Variants in JAKMIP3 observed in about 807,000 individuals in gnomAD.
JAKMIP3 encodes Janus kinase and microtubule interacting protein 3.
A neutral mutation model predicts 118.5 loss-of-function variants in JAKMIP3; 58 were observed. The ratio of observed to expected loss-of-function variants is 0.49; its 90% confidence interval spans 0.40 to 0.61. The LOEUF is 0.61. Ranked by LOEUF, JAKMIP3 falls within the 20% of genes least tolerant of loss-of-function variation. The pLI, the probability that JAKMIP3 is intolerant of heterozygous loss-of-function variation, is 0.00. For synonymous variants in JAKMIP3, 486 were observed against 451.2 expected (o/e 1.08, Z -0.98); for missense variants, 950 against 1,109.0 (o/e 0.86, Z 2.04).
intron 3 of JAKMIP3, among the ~76,000 whole-genome samples, chr10:132,125,645 TTC>T (rs1338393509): frequency 6.6e-6 from 1 of 152,274 alleles, no homozygotes; most frequent in Non-Finnish European, 1.5e-5. Flanking sequence ...GATTTTTCTC[TTC>T]TCTCAGCCAT....
chr10:132,058,942 G>A (rs778339030), intron 1 of JAKMIP3, among the ~76,000 whole-genome samples: 4 of 152,210 alleles, frequency 2.6e-5, no homozygotes, highest in Admixed American at 1.3e-4. Context: ...TTCGCATCGC[G>A]TCGCGCCCAC....
At chr10:132,144,110 A>G (rs2054120989) in intron 11 of JAKMIP3, 1 of 144,444 alleles carries the variant, frequency 6.9e-6, no homozygotes, top group Non-Finnish European at 1.5e-5. Context: ...TCTCCCTTGG[A>G]AGCTATCCCC....
chr10:132,163,729 A>G (rs2058616592), intron 20 of JAKMIP3, among the ~76,000 whole-genome samples: 1 of 152,218 alleles, frequency 6.6e-6, no homozygotes, highest in South Asian at 2.1e-4. Flanking sequence ...GCAGGCACTC[A>G]GGCCAGACTG....
intron 23 of JAKMIP3, among the ~76,000 whole-genome samples, chr10:132,177,538 A>G (rs964643308): frequency 7.0e-5 from 8 of 115,028 alleles, no homozygotes; most frequent in East Asian, 3.0e-4. Flanking sequence ...GTGTGTGTGC[A>G]CACTGTGCAT....
intron 16 of JAKMIP3, among the ~76,000 whole-genome samples, 197 bp downstream of exon 16, chr10:132,150,238 T>C (rs2055826526): frequency 6.6e-6 from 1 of 151,950 alleles, no homozygotes; most frequent in Non-Finnish European, 1.5e-5. Context: ...GGGCCTCTGC[T>C]GTGCACACCT....
intron 12 of JAKMIP3, 94 bp from the exon 13 acceptor site, chr10:132,145,424 G>A (rs1013008720): frequency 4.8e-6 from 6 of 1,248,436 alleles, no homozygotes; most frequent in Non-Finnish European, 6.8e-6. Context: ...ACGCTGGCCA[G>A]ACTGGTCTTT....
At chr10:132,130,179 C>T (rs955359262) in intron 3 of JAKMIP3, among the ~76,000 whole-genome samples, 3 of 152,142 alleles carry the variant, frequency 2.0e-5, no homozygotes, top group Non-Finnish European at 4.4e-5. Context: ...TCCAACGCAC[C>T]CCCACCCAGG....
rs3068004 is a variant in JAKMIP3, at chr10:132,042,937, A to AAAAAT, written c.-138+6200_-138+6201insAAATA. On this transcript the variant is annotated intron_variant, in intron 1 of 23. Coordinates refer to the JAKMIP3 transcript ENST00000657785. ...AGACCCCATGTCTCAAAAAAAAAAAAACAAAAATTAGCGAGTTATGGTGGC... is the reference window on the plus strand; with the variant it reads ...AGACCCCATGTCTCAAAAAAAAAAAAAAAATACAAAAATTAGCGAGTTATGGTGGC... Among the ~76,000 whole-genome samples, 525 of 148,562 alleles carry AAAAAT rather than the reference A, an allele frequency of 3.5e-3. 2 individuals are homozygous for AAAAAT. Among genetic ancestry groups the AAAAAT allele is most frequent in the Non-Finnish European group, 4.8e-3 (321 of 67,280 alleles).
chr10:132,154,230 G>A (rs576096501), intron 19 of JAKMIP3, among the ~76,000 whole-genome samples: 1 of 152,382 alleles, frequency 6.6e-6, no homozygotes, highest in South Asian at 2.1e-4. Flanking sequence ...ACACTGTGCA[G>A]TGAGAATGTT....
In JAKMIP3 at chr10:132,117,642, CGGGCGTGGGCGAGGGTGCAGGCGT is replaced by C. The variant is rs2047917482; in HGVS notation, c.633+73_633+96del. 6 of 841,988 alleles carry C rather than the reference CGGGCGTGGGCGAGGGTGCAGGCGT, an allele frequency of 7.1e-6. No individual in the cohort carries two copies. In the South Asian group the frequency reaches 1.6e-4, roughly 23 times the overall value. 52.2% of individuals were successfully genotyped at this position (841,988 alleles called of 1,614,324 possible). On this transcript the variant is annotated intron_variant, in intron 3 of 23. Transcript: ENST00000684848. This position sits in a 1 kb window ranked among gnomAD's most constrained non-coding sequence, Gnocchi z 8.6. ...GCGGGCGTGGGCGAGGGTGCAGGGG[CGGGCGTGGGCGAGGGTGCAGGCGT>C]GGGCTCGGGGAGCACGCGGGCAGCA...
At chr10:132,097,973 TTCTC>T (rs1554928289) in intron 1 of JAKMIP3, among the ~76,000 whole-genome samples, 6 of 20,426 alleles carry the variant, frequency 2.9e-4, no homozygotes, top group Non-Finnish European at 6.1e-4. Flanking sequence ...TTCCTTCCTT[TTCTC>T]CCCTTCCCCT....
At chr10:132,141,806 C>G (rs1054038356) in intron 10 of JAKMIP3, 114 bp from the exon 11 acceptor site, 2 of 1,222,544 alleles carry the variant, frequency 1.6e-6, no homozygotes, top group African/African-American at 3.0e-5. Flanking sequence ...AGAGACCCCC[C>G]CATACACCAT....
chr10:132,166,726 C>A (rs997149966), intron 21 of JAKMIP3, among the ~76,000 whole-genome samples: 7 of 152,132 alleles, frequency 4.6e-5, no homozygotes, highest in African/African-American at 1.7e-4. Context: ...GGGTGTGGGG[C>A]CCCTGACCAG....
intron 14 of JAKMIP3, among the ~76,000 whole-genome samples, 198 bp from the exon 15 acceptor site, chr10:132,149,214 C>T (rs2055320579): frequency 6.6e-6 from 1 of 152,082 alleles, no homozygotes; most frequent in East Asian, 1.9e-4. Context: ...AGCGAATATA[C>T]AGGGGCAGTC....
chr10:132,068,918 C>T (rs1008194952), intron 1 of JAKMIP3, among the ~76,000 whole-genome samples: 3 of 152,080 alleles, frequency 2.0e-5, no homozygotes, highest in Non-Finnish European at 2.9e-5. Flanking sequence ...AAAGTGAAGC[C>T]GGAATTCAAA....
In JAKMIP3 at chr10:132,151,192, A is replaced by G. The variant is rs138912235; in HGVS notation, c.2007+1151A>G. ...TCAATCCATCCACCCTCCATAATTT[A>G]TCTATGCATCCTCCATCATTCATTC... is the stretch of plus-strand genomic sequence containing the variant. On this transcript the variant is annotated intron_variant, in intron 16 of 23. Coordinates refer to ENST00000684848, the MANE Select transcript of JAKMIP3 (RefSeq NM_001323087.2). Among the ~76,000 whole-genome samples the G allele has an allele frequency of 1.1e-3, 174 of 152,088 alleles. 1 individual carries two copies. The highest frequency in any genetic ancestry group is 4.0e-3 in the African/African-American group (165 of 41,456).
intron 1 of JAKMIP3, among the ~76,000 whole-genome samples, chr10:132,040,285 C>T (rs760804348): frequency 3.3e-5 from 5 of 152,180 alleles, no homozygotes; most frequent in East Asian, 1.9e-4. Context: ...CCAAACCGGC[C>T]GGCTCCTTGG....
At chr10:132,180,568 CGTGT>C (rs1211647270) in intron 23 of JAKMIP3, among the ~76,000 whole-genome samples, 286 of 22,310 alleles carry the variant, frequency 0.013, 62 homozygotes, top group African/African-American at 0.016. Context: ...CGTGTGTGTG[CGTGT>C]GTGTGTGCGT....
At chr10:132,037,900 ACCAATTGGCCC>A (rs1297285134) in intron 1 of JAKMIP3, among the ~76,000 whole-genome samples, 1 of 152,228 alleles carries the variant, frequency 6.6e-6, no homozygotes, top group Non-Finnish European at 1.5e-5. Flanking sequence ...GAACAGCAGT[ACCAATTGGCCC>A]CGAGTCGGTT....
Sources: allele counts gnomAD v4.1 joint callset (sites outside exome capture counted in the v4.1 genomes callset), GRCh38; gene constraint gnomAD v4.1.1; non-coding constraint Gnocchi (gnomAD v3.1); transcripts MANE v1.5; gene names NCBI Gene and HGNC (gene_info 2026-07-23, HGNC 2026-07-21).